Variants in ZNF404 observed in about 807,000 individuals in gnomAD.
ZNF404 encodes the protein zinc finger protein 404.
In ZNF404, 7 loss-of-function variants were observed where a neutral mutation model predicts 7.3. The ratio of observed to expected loss-of-function variants is 0.95; its 90% CI spans 0.54 to 1.79. The LOEUF (loss-of-function observed/expected upper bound fraction) is 1.79. Among genes scored for constraint, ZNF404 ranks in the 40% most tolerant of loss-of-function variants. The probability of loss-of-function intolerance (pLI) is 0.00; values close to 1 mark genes in which losing one functional copy is unlikely to be tolerated. For missense variants in ZNF404, 560 were observed against 661.5 expected (o/e 0.85, Z 1.68); for synonymous variants, 191 against 209.9 (o/e 0.91, Z 0.78).
At chr19:43,877,560 CTTTATT>C (rs915218111) in intron 2 of ZNF404, among the ~76,000 whole-genome samples, 1 of 151,818 alleles carries the variant, frequency 6.6e-6, no homozygotes, top group Non-Finnish European at 1.5e-5. Context: ...TCCCCTTTTA[CTTTATT>C]TTTATTTATT....
intron 1 of ZNF404, among the ~76,000 whole-genome samples, chr19:43,883,526 A>G (rs1471366602): frequency 1.3e-5 from 2 of 152,204 alleles, no homozygotes; most frequent in Non-Finnish European, 2.9e-5. Context: ...TTGAGATCTC[A>G]TCTCAAACAG....
chr19:43,874,405 C>T (rs1291610733), intron 2 of ZNF404, among the ~76,000 whole-genome samples: 1 of 152,000 alleles, frequency 6.6e-6, no homozygotes, highest in African/African-American at 2.4e-5. Context: ...TCAGAATGCA[C>T]AGGAGTATGT....
chr19:43,873,966 C>T lies in ZNF404; in HGVS notation c.248G>A (p.Arg83Lys), dbSNP rs764429897. 3.1e-6 allele frequency: 5 copies of T among 1,612,868 alleles called. No individual in the cohort carries two copies. The highest frequency in any genetic ancestry group is 4.2e-6 in the Non-Finnish European group (5 of 1,179,436). Residue 83 changes from arginine to lysine, a missense_variant, in exon 3 of 3, where the codon AGG becomes AAG. Transcript: ENST00000587539. ...WKRNKTFNLM[R>K]FIFRTDPQYT... Reference sequence around the variant, plus strand: ...CTGTGGGTCAGTTCTGAAAATAAACCTCATAAGGTTGAAGGTTTTATTTCT... The same window carrying T: ...CTGTGGGTCAGTTCTGAAAATAAACTTCATAAGGTTGAAGGTTTTATTTCT...
At chr19:43,876,143 A>G (rs111453761) in intron 2 of ZNF404, among the ~76,000 whole-genome samples, 10,507 of 152,040 alleles carry the variant, frequency 0.069, 1,187 homozygotes, top group African/African-American at 0.24. Context: ...GGCCAACAAT[A>G]GGAAATCTAA....
At chr19:43,874,937 T>C (rs890857230) in intron 2 of ZNF404, among the ~76,000 whole-genome samples, 4 of 152,160 alleles carry the variant, frequency 2.6e-5, no homozygotes, top group Admixed American at 2.0e-4. Context: ...AAATGTAAAC[T>C]GGATGAAAAT....
Position 43,873,304 on chromosome 19 carries a change from A to G in ZNF404, c.910T>C (p.Cys304Arg). The change falls in exon 3 of 3, where the codon TGT becomes CGT. Residue 304 changes from cysteine to arginine, a missense_variant. By Grantham distance (180) the Cys-to-Arg change is radical (BLOSUM62 -3). Coordinates refer to ENST00000587539, the MANE Select transcript of ZNF404 (RefSeq NM_001033719.3). ...SGEKPYKCEQ[C>R]EKAFVRSYLL... The stretch of plus-strand genomic sequence containing the variant: ...TAGCTGCGAACAAAGGCCTTTTCAC[A>G]TTGTTCACATTTATATGGTTTCTCA... The G allele has an allele frequency of 6.2e-7, 1 of 1,613,478 alleles. No individual in the cohort carries two copies. Among genetic ancestry groups the G allele is most frequent in the Non-Finnish European group, 8.5e-7 (1 of 1,179,664 alleles).
Position 43,873,514 on chromosome 19 carries a change from G to C in ZNF404, c.700C>G (p.Gln234Glu), listed in dbSNP as rs192575521. Residue 234 changes from glutamine (Q) to glutamate (E), a missense_variant, in exon 3 of 3, where the codon CAG becomes GAG. Transcript: ENST00000587539. ...GGTTTCAAGCCAACATGAATTTTCT[G>C]ATGTTCTGTAAGGTGAGAATGACGT... ...FRRHSHLTEHQKIHVGLKPFE... is the reference protein window; with the variant it reads ...FRRHSHLTEHEKIHVGLKPFE... The C allele has an allele frequency of 7.2e-4, 1,169 of 1,613,408 alleles. 10 individuals are homozygous for C. In the African/African-American group the frequency reaches 0.013, roughly 19 times the overall value.
intron 1 of ZNF404, among the ~76,000 whole-genome samples, chr19:43,882,850 C>T (rs1010313891): frequency 2.6e-5 from 4 of 151,064 alleles, no homozygotes; most frequent in African/African-American, 9.7e-5. Flanking sequence ...ACTGTAATCC[C>T]AGCACTTTGA....
At chr19:43,880,258 A>C in intron 1 of ZNF404, 122 bp from the exon 2 acceptor site, 1 of 803,836 alleles carries the variant, frequency 1.2e-6, no homozygotes, top group South Asian at 1.9e-5. Flanking sequence ...AGATGATGAC[A>C]TGGTTAGATA....
At chr19:43,880,221 T>C (rs1971885704) in intron 1 of ZNF404, 85 bp from the exon 2 acceptor site, 1 of 1,238,956 alleles carries the variant, frequency 8.1e-7, no homozygotes. Flanking sequence ...AGGGGCAATA[T>C]GTAAAAAGAA....
Position 43,880,050 on chromosome 19 carries a change from T to G in ZNF404, c.96A>C (p.Arg32Ser), listed in dbSNP as rs1971883341. ...TAGTATAATTCTCCAACATCACATCTCTGTACAAATCCCTCTGATCCGAGT... is the reference window on the plus strand; with the variant it reads ...TAGTATAATTCTCCAACATCACATCGCTGTACAAATCCCTCTGATCCGAGT... ...YLNSDQRDLY[R>S]DVMLENYTNL... Residue 32 changes from arginine (R) to serine (S), a missense_variant, in exon 2 of 3, where the codon AGA becomes AGC. Physicochemically the swap from Arg to Ser is moderately radical, Grantham distance 110. Transcript: ENST00000587539. The G allele has an allele frequency of 2.5e-6, 4 of 1,613,686 alleles. No individual in the cohort carries two copies. The South Asian group carries it at 4.4e-5, about 18-fold the overall frequency.
rs1189247884 is a variant in ZNF404, at chr19:43,872,734, G to T, written c.1480C>A (p.Pro494Thr). The T allele has an allele frequency of 2.5e-6, 4 of 1,613,140 alleles. No individual in the cohort carries two copies. The African/African-American group carries it at 4.0e-5, about 16-fold the overall frequency. The change falls in exon 3 of 3, where the codon CCC becomes ACC. Residue 494 changes from proline to threonine, a missense_variant. Coordinates refer to ENST00000587539, the MANE Select transcript of ZNF404 (RefSeq NM_001033719.3). The surrounding 1 kb of genome is among the most constrained non-coding windows in gnomAD (Gnocchi z 4.4). The stretch of plus-strand genomic sequence containing the variant: ...TTATCACATTCTTTACATTCATAGG[G>T]TTTTTCACCAGTATGAATTCTCTTA... ...QHKRIHTGEK[P>T]YECKECDKAF...
At chr19:43,880,377 T>C (rs1253008708) in intron 1 of ZNF404, among the ~76,000 whole-genome samples, 1 of 151,984 alleles carries the variant, frequency 6.6e-6, no homozygotes, top group Admixed American at 6.6e-5. Context: ...TCCAAATATA[T>C]AAAAATAAAT....
Position 43,880,035 on chromosome 19 carries a change from C to T in ZNF404, c.111G>A (p.Glu37=). 1 of 1,613,776 alleles carries T rather than the reference C, an allele frequency of 6.2e-7. No homozygotes were observed. Among genetic ancestry groups the T allele is most frequent in the Non-Finnish European group, 8.5e-7 (1 of 1,179,734 alleles). Reference sequence around the variant, plus strand: ...CCAATGAGACCAAGTTAGTATAATTCTCCAACATCACATCTCTGTACAAAT... The same window carrying T: ...CCAATGAGACCAAGTTAGTATAATTTTCCAACATCACATCTCTGTACAAAT... ...QRDLYRDVML[E]NYTNLVSLDF... The change falls in exon 2 of 3, where the codon GAG becomes GAA. Residue 37 remains glutamate (E), a synonymous_variant. Coordinates refer to ENST00000587539, the MANE Select transcript of ZNF404 (RefSeq NM_001033719.3).
chr19:43,873,083 A>G lies in ZNF404; in HGVS notation c.1131T>C (p.His377=), dbSNP rs1971824051. 3.1e-6 allele frequency: 5 copies of G among 1,613,024 alleles called. No homozygotes were observed. The highest frequency in any genetic ancestry group is 4.2e-6 in the Non-Finnish European group (5 of 1,179,426). The change falls in exon 3 of 3, where the codon CAT becomes CAC. Residue 377 remains histidine, a synonymous_variant. Transcript: ENST00000587539. ...GSQLTQHQRI[H]TGEKPHECKE... ...TACATTCATGTGGCTTCTCACCAGT[A>G]TGAATTCTCTGATGCTGTGTAAGTT...
rs1173825243 is a variant in ZNF404, at chr19:43,873,034, G to C, written c.1180C>G (p.Leu394Val). The change falls in exon 3 of 3, where the codon CTT (leucine) becomes GTT (valine). Residue 394 changes from leucine to valine, a missense_variant. Leu to Val is a conservative substitution (Grantham distance 32). Transcript: ENST00000587539. The stretch of plus-strand genomic sequence containing the variant: ...TGATGTTGAATAAGATATGAATGAA[G>C]CTTAAAAGTCTTCCCACATTCTTTA... ...ECKECGKTFKLHSYLIQHQII... is the reference protein window; with the variant it reads ...ECKECGKTFKVHSYLIQHQII... 6.2e-7 allele frequency: 1 copy of C among 1,606,868 alleles called. No individual in the cohort carries two copies.
At position 43,873,657 on chromosome 19, in the gene ZNF404, G is replaced by C. The variant is rs757224969; in HGVS notation, c.557C>G (p.Pro186Arg). ...RHRKIHTDLKPYECNGCEKAF... is the reference protein window; with the variant it reads ...RHRKIHTDLKRYECNGCEKAF... ...CTTCTCACATCCATTGCATTCATAG[G>C]GTTTCAAATCAGTGTGGATTTTTCG... The change falls in exon 3 of 3, where the codon CCC (proline) becomes CGC (arginine). Residue 186 changes from proline to arginine, a missense_variant. By Grantham distance (103) the Pro-to-Arg change is moderately radical. Transcript: ENST00000587539. 18 of 1,613,108 alleles carry C rather than the reference G, an allele frequency of 1.1e-5. No individual in the cohort carries two copies. The highest frequency in any genetic ancestry group is 1.5e-5 in the Non-Finnish European group (18 of 1,179,604).
chr19:43,872,529 G>T lies in ZNF404; in HGVS notation c.*26C>A, dbSNP rs1050054. The stretch of plus-strand genomic sequence containing the variant: ...ATAATAGTGACAACAGTAAAAATGT[G>T]CCATGGCTAAAGGCTTTCCCTCTCA... On this transcript the variant is annotated 3_prime_UTR_variant, in exon 3 of 3. Coordinates refer to ENST00000587539, the MANE Select transcript of ZNF404 (RefSeq NM_001033719.3). The surrounding 1 kb of genome is among the most constrained non-coding windows in gnomAD (Gnocchi z 4.4). The T allele has an allele frequency of 0.5, 764,405 of 1,517,356 alleles. 197,343 individuals are homozygous for T. The highest frequency in any genetic ancestry group is 0.83 in the East Asian group (36,314 of 43,658). 94.0% of individuals were successfully genotyped at this position (1,517,356 alleles called of 1,614,324 possible).
intron 2 of ZNF404, among the ~76,000 whole-genome samples, chr19:43,878,050 C>T (rs893043749): frequency 1.1e-4 from 14 of 127,868 alleles, no homozygotes; most frequent in Non-Finnish European, 2.1e-4. Context: ...CATACGTGTG[C>T]ATGTGTCTTT....
Sources: gnomAD v4.1 joint callset for allele counts (sites outside exome capture counted in the v4.1 genomes callset) on GRCh38, gnomAD v4.1.1 for gene constraint, Gnocchi (gnomAD v3.1) non-coding constraint, MANE v1.5 for transcripts, NCBI Gene and HGNC (gene_info 2026-07-23, HGNC 2026-07-21) for gene names.